The following DNAH12 variants were observed in gnomAD, a reference collection of about 807,000 sequenced individuals.
DNAH12 encodes the protein axonemal beta dynein heavy chain 12.
Under a neutral mutation model 371.5 loss-of-function variants are expected in DNAH12, and 285 were observed. The ratio of observed to expected loss-of-function variants is 0.77; its 90% CI spans 0.70 to 0.85. The LOEUF is 0.85. Among genes scored for constraint, DNAH12 ranks in the 40% least tolerant of loss-of-function variants. The pLI is 0.00. For missense variants in DNAH12, 3,611 were observed against 3,689.4 expected (o/e 0.98, Z 0.55); for synonymous variants, 1,200 against 1,213.0 (o/e 0.99, Z 0.22).
At chr3:57,372,016 G>C (rs916692772) in intron 55 of DNAH12, among the ~76,000 whole-genome samples, 4 of 131,340 alleles carry the variant, frequency 3.0e-5, no homozygotes, top group African/African-American at 8.7e-5. Flanking sequence ...TTGGTTAATA[G>C]ATACAGAAAT....
At chr3:57,498,769 G>A (rs1346473144) in intron 11 of DNAH12, among the ~76,000 whole-genome samples, 1 of 152,166 alleles carries the variant, frequency 6.6e-6, no homozygotes, top group Admixed American at 6.5e-5. Flanking sequence ...GGAGGCCGAG[G>A]TGGGCGGATC....
intron 14 of DNAH12, 52 bp downstream of exon 14, chr3:57,472,494 G>T: frequency 6.6e-7 from 1 of 1,517,814 alleles, no homozygotes; most frequent in Non-Finnish European, 8.8e-7. Context: ...AAATGTGAAT[G>T]ATGTGCTTGA....
rs564244021 is a variant in DNAH12 at position 57,472,036 on chromosome 3, T to C, written c.1777-430A>G. ...CAAAATCTGGATTAGAATCTTGGTTTATCTGATTGAAGGCCATGCTTTTTA... is the reference window on the plus strand; with the variant it reads ...CAAAATCTGGATTAGAATCTTGGTTCATCTGATTGAAGGCCATGCTTTTTA... On this transcript the variant is annotated intron_variant, in intron 14 of 73. Transcript: ENST00000495027. Among the ~76,000 whole-genome samples, 11 of 152,324 alleles carry C rather than the reference T, an allele frequency of 7.2e-5. No homozygotes were observed. In the East Asian group the frequency reaches 1.7e-3, roughly 24 times the overall value.
At chr3:57,524,732 A>G (rs759800648) in intron 2 of DNAH12, among the ~76,000 whole-genome samples, 28 of 152,110 alleles carry the variant, frequency 1.8e-4, no homozygotes, top group Non-Finnish European at 3.7e-4. Flanking sequence ...TCAGGTGGAG[A>G]CATAGTTTTC....
chr3:57,422,221 A>G (rs1444842975), intron 35 of DNAH12, among the ~76,000 whole-genome samples: 3 of 147,118 alleles, frequency 2.0e-5, no homozygotes, highest in Non-Finnish European at 4.4e-5. Flanking sequence ...CCCAATATCT[A>G]TCAAAAAAAA....
intron 42 of DNAH12, among the ~76,000 whole-genome samples, chr3:57,403,944 T>C (rs1419331367): frequency 6.6e-6 from 1 of 152,176 alleles, no homozygotes; most frequent in African/African-American, 2.4e-5. Context: ...TCACTCTCCT[T>C]AGACTAGAAA....
At chr3:57,370,028 C>T (rs2063136607) in intron 55 of DNAH12, among the ~76,000 whole-genome samples, 1 of 152,096 alleles carries the variant, frequency 6.6e-6, no homozygotes, top group Admixed American at 6.5e-5. Flanking sequence ...GTATACCTTA[C>T]TCTAGGTATG....
chr3:57,358,420 T>C (rs889529123), intron 58 of DNAH12, among the ~76,000 whole-genome samples: 1 of 108,334 alleles, frequency 9.2e-6, no homozygotes, highest in Non-Finnish European at 2.2e-5. Context: ...AGACAGAGAG[T>C]ACAGAAACTT....
At chr3:57,461,363 AG>A (rs1390969561) in intron 19 of DNAH12, 125 bp downstream of exon 19, 2 of 725,972 alleles carry the variant, frequency 2.8e-6, no homozygotes, top group Non-Finnish European at 4.3e-6. Context: ...TCAAAGTTAT[AG>A]GTCTATGATT....
intron 40 of DNAH12, 24 bp from the exon 41 acceptor site, chr3:57,405,976 G>A (rs782076507): frequency 2.0e-6 from 3 of 1,523,706 alleles, no homozygotes; most frequent in Non-Finnish European, 8.9e-7. Flanking sequence ...AAGCAACAAA[G>A]CAAAAATAAA....
intron 2 of DNAH12, among the ~76,000 whole-genome samples, chr3:57,524,806 AAAGGAAGC>A (rs2068578953): frequency 6.6e-6 from 1 of 152,196 alleles, no homozygotes; most frequent in Non-Finnish European, 1.5e-5. Context: ...AAAGGGGGAA[AAAGGAAGC>A]AGGGGTCGTT....
At chr3:57,519,549 G>A in intron 4 of DNAH12, 1 of 631,622 alleles carries the variant, frequency 1.6e-6, no homozygotes, top group Non-Finnish European at 2.9e-6. Context: ...AAGGACCACA[G>A]ATCCATCGAC....
intron 45 of DNAH12, among the ~76,000 whole-genome samples, chr3:57,389,839 T>TATATATATATATATATATAA (rs1326237791): frequency 0.02 from 1,653 of 84,342 alleles, 216 homozygotes; most frequent in Non-Finnish European, 0.035. Flanking sequence ...TATATATATA[T>TATATATATATATATATATAA]AATACTTTTT....
At chr3:57,491,081 CAAAAAA>C (rs553885449) in intron 11 of DNAH12, among the ~76,000 whole-genome samples, 7 of 70,398 alleles carry the variant, frequency 9.9e-5, no homozygotes, top group Admixed American at 3.3e-4. Context: ...GACTCTATCT[CAAAAAA>C]AAAAAAAAAA....
intron 34 of DNAH12, chr3:57,428,308 A>C (rs1020886047): frequency 1.9e-6 from 2 of 1,035,448 alleles, no homozygotes; most frequent in Non-Finnish European, 2.6e-6. Flanking sequence ...TTCTCATAAA[A>C]TACTAAATAT....
At position 57,489,520 on chromosome 3, in the gene DNAH12, T is replaced by G; in HGVS notation, c.1503A>C (p.Lys501Asn). 1 of 1,511,762 alleles carries G rather than the reference T, an allele frequency of 6.6e-7. No homozygotes were observed. The highest frequency in any genetic ancestry group is 8.8e-7 in the Non-Finnish European group (1 of 1,135,906). The allele number at this position is 1,511,762 out of a possible 1,614,324, so 93.6% of individuals were successfully genotyped here. ...TTAATTCTACTTACCATTCATTTTC[T>G]TTTCTATATTTTGAAGCTATGTCAT... ...LLNDIASKYR[K>N]ENECICSEFE... Residue 501 changes from lysine (K) to asparagine (N), a missense_variant, in exon 12 of 74, where the codon AAA becomes AAC. Transcript: ENST00000495027.
chr3:57,301,992 T>C, intron 69 of DNAH12, 53 bp from the exon 70 acceptor site: 1 of 1,507,928 alleles, frequency 6.6e-7, no homozygotes, highest in Non-Finnish European at 9.0e-7. Flanking sequence ...CAACATACGG[T>C]CTTTCCAGAA....
At chr3:57,353,208 G>A (rs2062723192) in intron 59 of DNAH12, among the ~76,000 whole-genome samples, 1 of 152,054 alleles carries the variant, frequency 6.6e-6, no homozygotes, top group African/African-American at 2.4e-5. Flanking sequence ...AGCATATATG[G>A]CTTTCAATTT....
intron 36 of DNAH12, among the ~76,000 whole-genome samples, chr3:57,420,132 G>C (rs1242217172): frequency 6.6e-6 from 1 of 152,120 alleles, no homozygotes; most frequent in East Asian, 1.9e-4. Flanking sequence ...AAATTCTTCT[G>C]AATCACTGGC....
Sources: gnomAD v4.1 joint callset for allele counts (sites outside exome capture counted in the v4.1 genomes callset) on GRCh38, gnomAD v4.1.1 for gene constraint, MANE v1.5 for transcripts, NCBI Gene and HGNC (gene_info 2026-07-23, HGNC 2026-07-21) for gene names.